DNASE1: variants seen among roughly 807,000 people sequenced by gnomAD.
DNASE1 encodes the protein deoxyribonuclease 1.
DNASE1 carries 40 observed loss-of-function variants against 33.9 expected under a neutral mutation model. The ratio of observed to expected loss-of-function variants is 1.18; its 90% CI spans 0.92 to 1.54. The LOEUF (loss-of-function observed/expected upper bound fraction) is 1.54, where lower values mean the gene tolerates loss of function less well. Ranked by LOEUF, DNASE1 falls within the 40% of genes most tolerant of loss-of-function variation. The pLI is 0.00. For synonymous variants in DNASE1, 216 were observed against 160.0 expected (o/e 1.35, Z -2.64); for missense variants, 518 against 372.6 (o/e 1.39, Z -3.21).
intron 1 of DNASE1, among the ~76,000 whole-genome samples, chr16:3,647,262 ATTTTTTT>A (rs537295148): frequency 1.2e-3 from 153 of 130,234 alleles, no homozygotes; most frequent in Admixed American, 5.0e-3. Flanking sequence ...TAATCATGGG[ATTTTTTT>A]TTTTTTTTTT....
upstream of DNASE1, chr16:3,654,222 A>G (rs2042453215): frequency 1.3e-5 from 5 of 397,420 alleles, no homozygotes; most frequent in African/African-American, 2.1e-5. Context: ...CCCTGGGCCT[A>G]AACACACAGC....
chr16:3,617,948 CTG>C, intron 1 of DNASE1, among the ~76,000 whole-genome samples: 1 of 152,224 alleles, frequency 6.6e-6, no homozygotes, highest in Admixed American at 6.5e-5. Context: ...GCTACCCAGT[CTG>C]TGGTATTTTG....
intron 1 of DNASE1, among the ~76,000 whole-genome samples, chr16:3,612,521 G>C (rs1436102891): frequency 1.4e-5 from 2 of 140,618 alleles, no homozygotes; most frequent in Admixed American, 7.5e-5. Flanking sequence ...AAAGTGGTGG[G>C]ATTACAGGCG....
chr16:3,647,402 TA>T (rs1410181982), intron 1 of DNASE1, among the ~76,000 whole-genome samples: 2 of 151,774 alleles, frequency 1.3e-5, no homozygotes, highest in African/African-American at 4.8e-5. Context: ...GCCTCCTGAG[TA>T]GCTGGGACTA....
downstream of DNASE1, chr16:3,659,964 TGATCCACCC>T (rs1197479694): frequency 6.6e-6 from 1 of 152,172 alleles, no homozygotes; most frequent in Non-Finnish European, 1.5e-5. Context: ...TGACCTCAAG[TGATCCACCC>T]GCCTAGGCCT....
chr16:3,644,627 T>C (rs562890533), intron 1 of DNASE1, among the ~76,000 whole-genome samples: 2 of 151,178 alleles, frequency 1.3e-5, no homozygotes, highest in Admixed American at 1.3e-4. Flanking sequence ...CCCAGCTACT[T>C]GAGAGACTGA....
At chr16:3,629,917 G>A (rs2041641222) in intron 1 of DNASE1, among the ~76,000 whole-genome samples, 1 of 152,140 alleles carries the variant, frequency 6.6e-6, no homozygotes, top group African/African-American at 2.4e-5. Context: ...GGGTTCAAGC[G>A]ATTCTCCTGC....
chr16:3,639,704 G>A (rs2041976695), upstream of DNASE1, among the ~76,000 whole-genome samples: 1 of 152,180 alleles, frequency 6.6e-6, no homozygotes, highest in Non-Finnish European at 1.5e-5. Context: ...TCTGTCCCCT[G>A]GTGGGACCCT....
At chr16:3,619,255 C>G (rs2041217319) in intron 1 of DNASE1, among the ~76,000 whole-genome samples, 1 of 152,192 alleles carries the variant, frequency 6.6e-6, no homozygotes, top group African/African-American at 2.4e-5. Context: ...AGGCTGATCT[C>G]AAACTCCTGC....
intron 1 of DNASE1, among the ~76,000 whole-genome samples, chr16:3,623,411 A>G (rs1333698897): frequency 6.6e-6 from 1 of 152,228 alleles, no homozygotes; most frequent in African/African-American, 2.4e-5. Context: ...TCTTCTGGAT[A>G]TTAGCCTAGG....
chr16:3,657,287 T>G lies in DNASE1; in HGVS notation c.650T>G (p.Leu217Arg). ...TGGACAAGCCCCACCTTCCAGTGGC[T>G]GATCCCCGACAGCGCTGACACCACA... ...RLWTSPTFQWLIPDSADTTAT... is the reference protein window; with the variant it reads ...RLWTSPTFQWRIPDSADTTAT... The change falls in exon 7 of 9, where the codon CTG (leucine) becomes CGG (arginine). Residue 217 changes from leucine (L) to arginine (R), a missense_variant. Coordinates refer to ENST00000246949, the MANE Select transcript of DNASE1 (RefSeq NM_005223.4). The G allele has an allele frequency of 1.2e-6, 2 of 1,613,982 alleles. No individual in the cohort carries two copies. Among genetic ancestry groups the G allele is most frequent in the Non-Finnish European group, 1.7e-6 (2 of 1,180,028 alleles).
chr16:3,655,778 TC>T (rs1190859885), intron 2 of DNASE1, 70 bp from the exon 3 acceptor site: 71 of 1,576,438 alleles, frequency 4.5e-5, no homozygotes, highest in Middle Eastern at 1.9e-4. Context: ...CAGCTGTGGC[TC>T]CCTTTGTGGC....
At chr16:3,662,026 C>T (rs1002016730), downstream of DNASE1, 19 of 1,612,902 alleles carry the variant, frequency 1.2e-5, no homozygotes, top group East Asian at 4.5e-5. Context: ...GAGCTGTGCG[C>T]GCTCCTCCTG....
At chr16:3,662,903 C>T (rs1429488943), downstream of DNASE1, 13 of 1,613,524 alleles carry the variant, frequency 8.1e-6, no homozygotes, top group Non-Finnish European at 1.1e-5. Context: ...TGACACGCGA[C>T]CCCAGCACAT....
In DNASE1 at chr16:3,657,886, C is replaced by G. The variant is rs1196925422; in HGVS notation, c.802-20C>G. 1 of 1,614,034 alleles carries G rather than the reference C, an allele frequency of 6.2e-7. No individual in the cohort carries two copies. On this transcript the variant is annotated intron_variant, in intron 8 of 8. Transcript: ENST00000246949. ...AGCTCAGGTAGGCTCAGCCCAGACC[C>G]TGTGCCCACTTGCCTGCAGGCCCAA...
In DNASE1 at chr16:3,655,800, C is replaced by A. The variant is rs746745059; in HGVS notation, c.148-49C>A. The A allele has an allele frequency of 9.4e-6, 15 of 1,602,908 alleles. No homozygotes were observed. In the East Asian group the frequency reaches 2.2e-4, roughly 24 times the overall value. On this transcript the variant is annotated intron_variant, in intron 2 of 8. Coordinates refer to ENST00000246949, the MANE Select transcript of DNASE1 (RefSeq NM_005223.4). ...GGCTCCCTTTGTGGCGCTGTAGGGT[C>A]CCTGGGTGGCACCAGCCCTGCTCAG... is the stretch of plus-strand genomic sequence containing the variant.
intron 1 of DNASE1, among the ~76,000 whole-genome samples, chr16:3,624,659 A>G (rs1244236111): frequency 6.6e-6 from 1 of 152,094 alleles, no homozygotes; most frequent in Non-Finnish European, 1.5e-5. Flanking sequence ...ATTGTGTAAC[A>G]ATTTTTTTGC....
chr16:3,661,416 C>T (rs2151237309), downstream of DNASE1: 1 of 152,276 alleles, frequency 6.6e-6, no homozygotes, highest in South Asian at 2.1e-4. Flanking sequence ...GCAGCTCCCA[C>T]CACCGGGGCC....
upstream of DNASE1, chr16:3,640,842 A>AGGCACCTCCGAAGATC: frequency 2.5e-6 from 1 of 398,528 alleles, no homozygotes; most frequent in Non-Finnish European, 4.4e-6. Flanking sequence ...TCCTGGGCCC[A>AGGCACCTCCGAAGATC]GGCACCTCCG....
Sources: allele counts gnomAD v4.1 joint callset (sites outside exome capture counted in the v4.1 genomes callset), GRCh38; gene constraint gnomAD v4.1.1; transcripts MANE v1.5; gene names NCBI Gene and HGNC (gene_info 2026-07-23, HGNC 2026-07-21).